The following CNKSR3 variants were observed in gnomAD, a reference collection of about 807,000 sequenced individuals.
The protein encoded by CNKSR3 is connector enhancer of kinase suppressor of ras 3.
A neutral mutation model predicts 67.7 loss-of-function variants in CNKSR3; 36 were observed. The ratio of observed to expected loss-of-function variants is 0.53; its 90% CI spans 0.41 to 0.70. The LOEUF (loss-of-function observed/expected upper bound fraction) is 0.70. Ranked by LOEUF, CNKSR3 falls within the 30% of genes least tolerant of loss-of-function variation. The probability of loss-of-function intolerance (pLI) is 0.00; values close to 1 mark genes in which losing one functional copy is unlikely to be tolerated. For synonymous variants in CNKSR3, 281 were observed against 271.4 expected (o/e 1.04, Z -0.35); for missense variants, 630 against 695.2 (o/e 0.91, Z 1.05).
At chr6:154,496,500 G>C (rs973686153) in intron 1 of CNKSR3, among the ~76,000 whole-genome samples, 1 of 142,302 alleles carries the variant, frequency 7.0e-6, no homozygotes, top group African/African-American at 2.5e-5. Context: ...GAGCAAACAA[G>C]AGAATAAAGC....
At chr6:154,479,245 C>T (rs1786518298) in intron 1 of CNKSR3, among the ~76,000 whole-genome samples, 1 of 151,812 alleles carries the variant, frequency 6.6e-6, no homozygotes, top group African/African-American at 2.4e-5. Flanking sequence ...TCTTTCAGTG[C>T]AGATTCCACT....
chr6:154,422,200 G>A (rs1785159942), intron 9 of CNKSR3, among the ~76,000 whole-genome samples: 1 of 152,000 alleles, frequency 6.6e-6, no homozygotes, highest in African/African-American at 2.4e-5. Context: ...CACCGTGTTA[G>A]CCAGGATGGT....
intron 1 of CNKSR3, among the ~76,000 whole-genome samples, chr6:154,493,104 G>A (rs1322301633): frequency 6.6e-6 from 1 of 152,082 alleles, no homozygotes; most frequent in African/African-American, 2.4e-5. Context: ...CCAAAGTACT[G>A]ATCAGGTCTC....
Position 154,391,348 on chromosome 6 carries a change from C to T in CNKSR3, c.*15006G>A, listed in dbSNP as rs1205868286. The T allele has an allele frequency of 6.6e-6, 1 of 152,292 alleles. No individual in the cohort carries two copies. Among genetic ancestry groups the T allele is most frequent in the Non-Finnish European group, 1.5e-5 (1 of 68,116 alleles). 9.4% of individuals were successfully genotyped at this position (152,292 alleles called of 1,614,324 possible). ...TCCTGGGTTCACACCATTCTCCTCC[C>T]TCAACTTCCCAAGTAGCTGAGACTA... On this transcript the variant is annotated 3_prime_UTR_variant, in exon 13 of 13. Transcript: ENST00000607772.
intron 6 of CNKSR3, among the ~76,000 whole-genome samples, chr6:154,429,740 A>G (rs1785326741): frequency 6.6e-6 from 1 of 151,942 alleles, no homozygotes; most frequent in Non-Finnish European, 1.5e-5. Flanking sequence ...CTTCTCCTCA[A>G]CATCATCAAT....
chr6:154,495,810 C>T (rs1786866273), intron 1 of CNKSR3, among the ~76,000 whole-genome samples: 1 of 152,132 alleles, frequency 6.6e-6, no homozygotes, highest in Non-Finnish European at 1.5e-5. Flanking sequence ...GCGCCTCTTG[C>T]TGCATCCTTC....
chr6:154,488,657 A>G (rs1449952793), intron 1 of CNKSR3, among the ~76,000 whole-genome samples: 2 of 152,174 alleles, frequency 1.3e-5, no homozygotes, highest in East Asian at 3.8e-4. Context: ...ATTGATACCA[A>G]AAAAAGTTAC....
intron 4 of CNKSR3, among the ~76,000 whole-genome samples, chr6:154,434,283 T>C (rs1168057580): frequency 6.6e-6 from 1 of 150,744 alleles, no homozygotes; most frequent in African/African-American, 2.5e-5. Flanking sequence ...AACTCATCTG[T>C]AGCAAAGGAT....
intron 2 of CNKSR3, among the ~76,000 whole-genome samples, chr6:154,442,543 A>G (rs906221418): frequency 6.6e-6 from 1 of 152,108 alleles, no homozygotes; most frequent in Non-Finnish European, 1.5e-5. Context: ...AATGGCGTGA[A>G]CCCGGGAGGC....
rs3812243 is a variant in CNKSR3, at chr6:154,398,246, G to A, written c.*8108C>T. On this transcript the variant is annotated 3_prime_UTR_variant, in exon 13 of 13. Transcript: ENST00000607772. ...AAAGTCCTTCCAGAAACAACATTCA[G>A]GATGACGGCATCAGTGTTAGCCAAG... 0.083 allele frequency: 12,566 copies of A among 152,214 alleles called. 777 individuals are homozygous for A. The highest frequency in any genetic ancestry group is 0.28 in the East Asian group (1,423 of 5,158). The allele number at this position is 152,214 out of a possible 1,614,324, so 9.4% of individuals were successfully genotyped here. A position where few individuals can be genotyped will look rare whatever the true frequency, so the allele number is the denominator to read the frequency against.
chr6:154,494,195 G>C (rs1476226873), intron 1 of CNKSR3, among the ~76,000 whole-genome samples: 1 of 152,168 alleles, frequency 6.6e-6, no homozygotes, highest in Non-Finnish European at 1.5e-5. Context: ...AATCGTGGTG[G>C]AAGAGGAAGC....
intron 10 of CNKSR3, among the ~76,000 whole-genome samples, chr6:154,413,710 C>T (rs766499433): frequency 8.6e-5 from 13 of 152,016 alleles, no homozygotes; most frequent in East Asian, 1.9e-4. Flanking sequence ...CAGGAGAGCA[C>T]GTTTTCATTC....
intron 1 of CNKSR3, among the ~76,000 whole-genome samples, chr6:154,499,613 A>G (rs1786942820): frequency 6.6e-6 from 1 of 152,074 alleles, no homozygotes; most frequent in African/African-American, 2.4e-5. Context: ...CACGGTGCCA[A>G]TCTCTACCGG....
intron 1 of CNKSR3, among the ~76,000 whole-genome samples, chr6:154,493,607 T>TA (rs1215546073): frequency 6.6e-6 from 1 of 152,126 alleles, no homozygotes; most frequent in Non-Finnish European, 1.5e-5. Context: ...CATATTGTTA[T>TA]AAAAAACTAC....
At chr6:154,430,334 C>T in intron 6 of CNKSR3, 138 bp downstream of exon 6, 1 of 666,514 alleles carries the variant, frequency 1.5e-6, no homozygotes, top group Middle Eastern at 3.3e-4. Context: ...TAGCACATTC[C>T]TAATTACATA....
At chr6:154,416,227 G>A (rs543163291) in intron 9 of CNKSR3, among the ~76,000 whole-genome samples, 1 of 152,210 alleles carries the variant, frequency 6.6e-6, no homozygotes, top group Non-Finnish European at 1.5e-5. Flanking sequence ...AGGATTGAAA[G>A]GACTGACTAG....
intron 1 of CNKSR3, among the ~76,000 whole-genome samples, chr6:154,492,627 T>A (rs1361338512): frequency 1.3e-5 from 2 of 151,776 alleles, no homozygotes; most frequent in East Asian, 3.9e-4. Context: ...ATACCTGTAA[T>A]CCCAGCTACT....
chr6:154,493,148 C>T (rs11155978), intron 1 of CNKSR3, among the ~76,000 whole-genome samples: 11 of 152,084 alleles, frequency 7.2e-5, no homozygotes, highest in South Asian at 4.1e-4. Flanking sequence ...CCCTTGGTCA[C>T]GATGCCTCAG....
At chr6:154,493,044 A>G (rs1429346683) in intron 1 of CNKSR3, among the ~76,000 whole-genome samples, 1 of 152,126 alleles carries the variant, frequency 6.6e-6, no homozygotes, top group Non-Finnish European at 1.5e-5. Flanking sequence ...ATCTGATAAT[A>G]CTTCTTAGCT....
Sources: gnomAD v4.1 joint callset for allele counts (sites outside exome capture counted in the v4.1 genomes callset) on GRCh38, gnomAD v4.1.1 for gene constraint, MANE v1.5 for transcripts, NCBI Gene and HGNC (gene_info 2026-07-23, HGNC 2026-07-21) for gene names.